The following STK3 variants were observed in gnomAD, a reference collection of about 807,000 sequenced individuals.
STK3 encodes the protein serine/threonine-protein kinase 3.
Under a neutral mutation model 58.0 loss-of-function variants are expected in STK3, and 41 were observed. The ratio of observed to expected loss-of-function variants is 0.71; its 90% confidence interval spans 0.55 to 0.92. The LOEUF is 0.92. Among genes scored for constraint, STK3 ranks in the 40% least tolerant of loss-of-function variants. The pLI is 0.00. For missense variants in STK3, 479 were observed against 602.7 expected (o/e 0.79, Z 2.15); for synonymous variants, 170 against 191.0 (o/e 0.89, Z 0.91).
At chr8:98,754,402 G>A (rs560653476) in intron 3 of STK3, among the ~76,000 whole-genome samples, 1 of 151,972 alleles carries the variant, frequency 6.6e-6, no homozygotes, top group East Asian at 1.9e-4. Flanking sequence ...TGATTCAGTA[G>A]GTTTTTAAAA....
chr8:98,530,875 C>T (rs1826125446), intron 9 of STK3, among the ~76,000 whole-genome samples: 1 of 152,216 alleles, frequency 6.6e-6, no homozygotes, highest in Non-Finnish European at 1.5e-5. Context: ...TCGCAAGAAA[C>T]CACTTTCTTT....
intron 8 of STK3, among the ~76,000 whole-genome samples, chr8:98,561,065 G>A (rs779842148): frequency 6.6e-6 from 1 of 151,870 alleles, no homozygotes; most frequent in African/African-American, 2.4e-5. Context: ...AAAGAAAATT[G>A]GAAGATTCAG....
intron 4 of STK3, among the ~76,000 whole-genome samples, chr8:98,742,235 G>T (rs1829281798): frequency 6.6e-6 from 1 of 151,784 alleles, no homozygotes; most frequent in Non-Finnish European, 1.5e-5. Context: ...ATTTTATGAG[G>T]CCAGCATCAT....
Position 98,795,354 on chromosome 8 carries a change from AAC to A in STK3, c.27-20537_27-20536del, listed in dbSNP as rs1387883941. ...CTTCATGATAAAAAAAAAAAAAAAA[AAC>A]CTCTTGAACAAACTAGACATCAAAG... On this transcript the variant is annotated intron_variant, in intron 1 of 10. Transcript: ENST00000419617. Among the ~76,000 whole-genome samples, 115 of 150,314 alleles carry A rather than the reference AAC, an allele frequency of 7.7e-4. 3 individuals are homozygous for A. The highest frequency in any genetic ancestry group is 3.2e-3 in the Middle Eastern group (1 of 314).
intron 1 of STK3, chr8:98,438,715 TGTG>T (rs1818583625): frequency 6.4e-3 from 1 of 156 alleles, no homozygotes; most frequent in African/African-American, 0.045. Flanking sequence ...TGAGTCTCTG[TGTG>T]TGTGTGTGTG....
chr8:98,372,743 A>G (rs1165601698), intron 2 of STK3, among the ~76,000 whole-genome samples: 1 of 152,196 alleles, frequency 6.6e-6, no homozygotes. Context: ...GTGCACCAGG[A>G]GGAGGCAGAG....
At chr8:98,940,720 C>T (rs1213218175) in intron 1 of STK3, among the ~76,000 whole-genome samples, 1 of 152,224 alleles carries the variant, frequency 6.6e-6, no homozygotes, top group Non-Finnish European at 1.5e-5. Flanking sequence ...GCCCCGCACG[C>T]GACCGCCTGC....
At chr8:98,710,663 C>T (rs962089154) in intron 4 of STK3, among the ~76,000 whole-genome samples, 10 of 152,224 alleles carry the variant, frequency 6.6e-5, no homozygotes, top group African/African-American at 2.4e-4. Context: ...CTGGGTGCAG[C>T]CCACCACAGC....
intron 3 of STK3, among the ~76,000 whole-genome samples, chr8:98,415,870 G>A (rs893991995): frequency 5.9e-5 from 9 of 152,126 alleles, no homozygotes; most frequent in Admixed American, 5.9e-4. Flanking sequence ...TGTTCATCAG[G>A]GTAAGAGAGA....
intron 4 of STK3, among the ~76,000 whole-genome samples, chr8:98,735,208 C>CA: frequency 6.6e-6 from 1 of 152,196 alleles, no homozygotes. Context: ...TTGGCTGTTT[C>CA]AGCTCAACAT....
chr8:98,701,609 G>A (rs1025604936), intron 6 of STK3, among the ~76,000 whole-genome samples: 21 of 147,954 alleles, frequency 1.4e-4, no homozygotes, highest in Admixed American at 5.3e-4. Flanking sequence ...ACAACAGAGC[G>A]AGACTTTGTC....
chr8:98,706,989 A>G (rs1179547833), intron 5 of STK3, among the ~76,000 whole-genome samples, 158 bp downstream of exon 5: 3 of 152,242 alleles, frequency 2.0e-5, no homozygotes, highest in African/African-American at 7.2e-5. Flanking sequence ...TATAAATTAA[A>G]TAATACTCAA....
At chr8:98,369,173 CT>C (rs1471090375), downstream of STK3, among the ~76,000 whole-genome samples, 1 of 152,124 alleles carries the variant, frequency 6.6e-6, no homozygotes, top group Non-Finnish European at 1.5e-5. Flanking sequence ...GAAGAATTAC[CT>C]TTTAACAGAA....
At chr8:98,738,357 CAGCTACTAGGGAGGATGAGGCACA>C (rs1828805655) in intron 4 of STK3, among the ~76,000 whole-genome samples, 1 of 152,052 alleles carries the variant, frequency 6.6e-6, no homozygotes. Flanking sequence ...CTTATAATCC[CAGCTACTAGGGAGGATGAGGCACA>C]AGAATCACTT....
At chr8:98,476,128 T>C (rs572718473) in intron 10 of STK3, among the ~76,000 whole-genome samples, 16 of 152,076 alleles carry the variant, frequency 1.1e-4, no homozygotes, top group Non-Finnish European at 2.1e-4. Context: ...ATTCAAAACA[T>C]TGGGGGAGAA....
At chr8:98,377,353 T>C (rs1166908646) in intron 2 of STK3, among the ~76,000 whole-genome samples, 2 of 152,208 alleles carry the variant, frequency 1.3e-5, no homozygotes, top group Non-Finnish European at 2.9e-5. Context: ...ATGTAATTTA[T>C]TTTATGCATG....
At chr8:98,697,719 G>C (rs988293881) in intron 6 of STK3, among the ~76,000 whole-genome samples, 4 of 152,144 alleles carry the variant, frequency 2.6e-5, no homozygotes, top group African/African-American at 7.2e-5. Flanking sequence ...TGTAGTTTGA[G>C]AGACAGTTTG....
intron 4 of STK3, among the ~76,000 whole-genome samples, chr8:98,718,253 G>A (rs984915932): frequency 6.6e-6 from 1 of 152,010 alleles, no homozygotes; most frequent in African/African-American, 2.4e-5. Flanking sequence ...ACTGAGGGGG[G>A]GAAATGCCTT....
intron 1 of STK3, among the ~76,000 whole-genome samples, chr8:98,940,570 GA>G (rs1325822805): frequency 6.6e-6 from 1 of 152,074 alleles, no homozygotes; most frequent in Non-Finnish European, 1.5e-5. Context: ...CTGCAGTGAG[GA>G]ACGACCCTCA....
Sources: allele counts gnomAD v4.1 joint callset (sites outside exome capture counted in the v4.1 genomes callset), GRCh38; gene constraint gnomAD v4.1.1; transcripts MANE v1.5; gene names NCBI Gene and HGNC (gene_info 2026-07-23, HGNC 2026-07-21).